The following RALA variants were observed in gnomAD, a reference collection of about 807,000 sequenced individuals.
RALA encodes the protein RAS like proto-oncogene A, also known as ras-related protein Ral-A.
Under a neutral mutation model 24.0 loss-of-function variants are expected in RALA, and 5 were observed. That is an observed-to-expected ratio of 0.21 (90% confidence interval 0.11 to 0.44). The LOEUF (loss-of-function observed/expected upper bound fraction) is 0.44, where lower values mean the gene tolerates loss of function less well. Among genes scored for constraint, RALA ranks in the 20% least tolerant of loss-of-function variants. RALA has a pLI of 0.99. For synonymous variants in RALA, 77 were observed against 83.8 expected (o/e 0.92, Z 0.44); for missense variants, 95 against 241.2 (o/e 0.39, Z 4.01).
rs148748965 is a variant in RALA at position 39,686,671 on chromosome 7, G to A, written c.4G>A (p.Ala2Thr). 2,496 of 1,613,228 alleles carry A rather than the reference G, an allele frequency of 1.5e-3. 6 individuals carry two copies. Among genetic ancestry groups the A allele is most frequent in the Non-Finnish European group, 1.4e-3 (1,662 of 1,179,244 alleles). Reference protein sequence around the residue: MAANKPKGQNSL... With the variant: MTANKPKGQNSL... ...TTGGTGAAAACTGAGACACAAAATG[G>A]CTGCAAATAAGCCCAAGGGTCAGAA... Residue 2 changes from alanine (A) to threonine (T), a missense_variant, in exon 2 of 5, where the codon GCT becomes ACT. By Grantham distance (58) the Ala-to-Thr change is moderately conservative. Transcript: ENST00000005257.
At chr7:39,638,319 C>A (rs550593674) in intron 1 of RALA, among the ~76,000 whole-genome samples, 1 of 152,120 alleles carries the variant, frequency 6.6e-6, no homozygotes, top group Non-Finnish European at 1.5e-5. Flanking sequence ...TAATAGGGAT[C>A]TTCATAAATT....
chr7:39,654,308 A>T (rs1164025176), intron 1 of RALA, among the ~76,000 whole-genome samples: 1 of 152,226 alleles, frequency 6.6e-6, no homozygotes, highest in Non-Finnish European at 1.5e-5. Context: ...ATTTGAATTT[A>T]ATCAGCTCAG....
At chr7:39,669,986 T>C (rs1235231308) in intron 1 of RALA, among the ~76,000 whole-genome samples, 2 of 152,188 alleles carry the variant, frequency 1.3e-5, no homozygotes, top group African/African-American at 4.8e-5. Context: ...AAAGCTCTCA[T>C]GGACAATATC....
Position 39,692,309 on chromosome 7 carries a change from C to G in RALA, c.323+1719C>G, listed in dbSNP as rs370742508. Among the ~76,000 whole-genome samples the G allele has an allele frequency of 2.6e-5, 4 of 152,298 alleles. 1 individual carries two copies. ...TCCAGTATCACACTTAACACCTATT[C>G]CTTTCCTGTCTCAGTATCCCCAGTA... On this transcript the variant is annotated intron_variant, in intron 3 of 4. Coordinates refer to ENST00000005257, the MANE Select transcript of RALA (RefSeq NM_005402.4).
intron 1 of RALA, among the ~76,000 whole-genome samples, chr7:39,631,661 T>A (rs1166459430): frequency 6.6e-6 from 1 of 152,262 alleles, no homozygotes; most frequent in Admixed American, 6.5e-5. Context: ...ATTTCTTGCT[T>A]ATTCCTAAGC....
chr7:39,674,041 G>GTAAA (rs72097023), intron 1 of RALA, among the ~76,000 whole-genome samples: 5,690 of 48,504 alleles, frequency 0.12, 154 homozygotes, highest in East Asian at 0.23. Context: ...GGCATGCACT[G>GTAAA]TAAATAAATA....
intron 1 of RALA, among the ~76,000 whole-genome samples, chr7:39,681,374 A>G (rs1017316121): frequency 9.3e-5 from 11 of 117,978 alleles, no homozygotes; most frequent in African/African-American, 3.7e-4. Context: ...CTGGAGTGCA[A>G]TGGTGCAATC....
At chr7:39,697,802 G>C (rs75526565) in intron 4 of RALA, among the ~76,000 whole-genome samples, 1 of 152,068 alleles carries the variant, frequency 6.6e-6, no homozygotes, top group South Asian at 2.1e-4. Flanking sequence ...TTTGCTGTAG[G>C]TCTTAAGACA....
At chr7:39,638,847 T>C (rs1791730202) in intron 1 of RALA, among the ~76,000 whole-genome samples, 1 of 152,252 alleles carries the variant, frequency 6.6e-6, no homozygotes, top group Non-Finnish European at 1.5e-5. Context: ...CAAGTCTTTG[T>C]GTGGACATAG....
At chr7:39,699,302 G>T (rs1018769205) in intron 4 of RALA, among the ~76,000 whole-genome samples, 3 of 149,914 alleles carry the variant, frequency 2.0e-5, no homozygotes, top group African/African-American at 7.4e-5. Flanking sequence ...CACCGCGCCC[G>T]GCTAATTTTT....
chr7:39,656,378 T>A (rs1469127689), intron 1 of RALA, among the ~76,000 whole-genome samples: 1 of 152,240 alleles, frequency 6.6e-6, no homozygotes, highest in African/African-American at 2.4e-5. Context: ...AGCATTTTAT[T>A]TGTCTTTCTT....
At position 39,706,118 on chromosome 7, in the gene RALA, T is replaced by C. The variant is rs749599529; in HGVS notation, c.499-5T>C. ...CTTTATTTATCCTATTTTTTTTCTTTCTAGGTATTTTTTGATTTAATGAGA... is the reference window on the plus strand; with the variant it reads ...CTTTATTTATCCTATTTTTTTTCTTCCTAGGTATTTTTTGATTTAATGAGA... On this transcript the variant is annotated splice_polypyrimidine_tract_variant and splice_region_variant and intron_variant, in intron 4 of 4. Transcript: ENST00000005257. 1 of 1,597,100 alleles carries C rather than the reference T, an allele frequency of 6.3e-7. No homozygotes were observed. Among genetic ancestry groups the C allele is most frequent in the Non-Finnish European group, 8.5e-7 (1 of 1,171,778 alleles).
chr7:39,681,487 C>G (rs1792602841), intron 1 of RALA, among the ~76,000 whole-genome samples: 1 of 151,592 alleles, frequency 6.6e-6, no homozygotes, highest in African/African-American at 2.4e-5. Context: ...CCCATTCTTA[C>G]CTCAATTGGT....
chr7:39,655,346 C>A (rs1420114705), intron 1 of RALA, among the ~76,000 whole-genome samples: 1 of 152,076 alleles, frequency 6.6e-6, no homozygotes, highest in Non-Finnish European at 1.5e-5. Flanking sequence ...TTGCATAATT[C>A]CTTTTATGTG....
chr7:39,679,718 A>T (rs1792553225), intron 1 of RALA, among the ~76,000 whole-genome samples: 1 of 151,962 alleles, frequency 6.6e-6, no homozygotes. Context: ...TTTGCCATGC[A>T]GAATTTTTTT....
In RALA at chr7:39,646,728, A is replaced by G. The variant is rs1051173871; in HGVS notation, c.-38+22903A>G. 6.6e-5 allele frequency among the ~76,000 whole-genome samples: 10 copies of G among 152,334 alleles called. 1 individual carries two copies. The East Asian group carries it at 9.6e-4, about 15-fold the overall frequency. On this transcript the variant is annotated intron_variant, in intron 1 of 4. Coordinates refer to ENST00000005257, the MANE Select transcript of RALA (RefSeq NM_005402.4). ...ATTTATTCTGTTCTAGTCATTAACT[A>G]CTTCACTTTGAGTACCTCTGTTACA... is the stretch of plus-strand genomic sequence containing the variant.
intron 4 of RALA, among the ~76,000 whole-genome samples, chr7:39,702,011 AT>A (rs1793037444): frequency 6.6e-6 from 1 of 152,254 alleles, no homozygotes; most frequent in Non-Finnish European, 1.5e-5. Context: ...TTGAGCAAAT[AT>A]TAACAGATGT....
At chr7:39,634,566 T>C (rs1484266945) in intron 1 of RALA, among the ~76,000 whole-genome samples, 1 of 152,230 alleles carries the variant, frequency 6.6e-6, no homozygotes, top group Non-Finnish European at 1.5e-5. Flanking sequence ...CCCAGAAGTC[T>C]TAGGTTTCTG....
chr7:39,673,693 G>T (rs1397513125), intron 1 of RALA, among the ~76,000 whole-genome samples: 1 of 152,104 alleles, frequency 6.6e-6, no homozygotes, highest in African/African-American at 2.4e-5. Flanking sequence ...AGTTAATAAT[G>T]ATCATTTGCC....
Sources: gnomAD v4.1 joint callset for allele counts (sites outside exome capture counted in the v4.1 genomes callset) on GRCh38, gnomAD v4.1.1 for gene constraint, MANE v1.5 for transcripts, NCBI Gene and HGNC (gene_info 2026-07-23, HGNC 2026-07-21) for gene names.